VAT1L: variants seen among roughly 807,000 people sequenced by gnomAD.
VAT1L encodes the protein vesicle amine transport 1 like.
VAT1L carries 34 observed loss-of-function variants against 44.1 expected under a neutral mutation model. That is an observed-to-expected ratio of 0.77 (90% CI 0.59 to 1.03). The LOEUF (loss-of-function observed/expected upper bound fraction) is 1.03. VAT1L is among the 50% of genes least tolerant of loss of function. The pLI, the probability that VAT1L is intolerant of heterozygous loss-of-function variation, is 0.00. For missense variants in VAT1L, 615 were observed against 538.8 expected, an observed-to-expected ratio of 1.14 and a Z score of -1.40; for synonymous variants, 253 against 202.2, an observed-to-expected ratio of 1.25 and a Z score of -2.13.
At chr16:77,932,478 G>A (rs997610260) in intron 7 of VAT1L, among the ~76,000 whole-genome samples, 3 of 152,148 alleles carry the variant, frequency 2.0e-5, no homozygotes, top group African/African-American at 7.2e-5. Flanking sequence ...ACTTCTTGTT[G>A]ACAGAGTATA....
chr16:77,943,123 C>T (rs1186838340), intron 7 of VAT1L, among the ~76,000 whole-genome samples: 2 of 151,480 alleles, frequency 1.3e-5, no homozygotes, highest in African/African-American at 4.9e-5. Flanking sequence ...GTGGCTCTAT[C>T]TCTGCTCAGT....
intron 7 of VAT1L, among the ~76,000 whole-genome samples, chr16:77,893,355 T>A (rs2017288529): frequency 6.6e-6 from 1 of 152,078 alleles, no homozygotes; most frequent in South Asian, 2.1e-4. Context: ...GAAGCAAGAG[T>A]CAGCAATGAC....
chr16:77,941,799 G>C (rs550177989), intron 7 of VAT1L, among the ~76,000 whole-genome samples: 2 of 152,008 alleles, frequency 1.3e-5, no homozygotes, highest in African/African-American at 4.8e-5. Flanking sequence ...GTGTTGGCCA[G>C]GCTGGTCTCA....
At chr16:77,820,250 T>C (rs542432607) in intron 2 of VAT1L, among the ~76,000 whole-genome samples, 1 of 152,150 alleles carries the variant, frequency 6.6e-6, no homozygotes, top group South Asian at 2.1e-4. Flanking sequence ...GAGATGACAA[T>C]AGTCATGGTG....
intron 1 of VAT1L, among the ~76,000 whole-genome samples, chr16:77,811,473 T>G (rs1164712383): frequency 6.6e-6 from 1 of 152,110 alleles, no homozygotes; most frequent in Non-Finnish European, 1.5e-5. Flanking sequence ...CGGCCTACCA[T>G]GGTTTATAGA....
chr16:77,869,682 A>T (rs1417687799), intron 4 of VAT1L, among the ~76,000 whole-genome samples: 1 of 152,158 alleles, frequency 6.6e-6, no homozygotes, highest in Non-Finnish European at 1.5e-5. Context: ...GATTAAAAAA[A>T]ACCACCCACT....
chr16:77,795,548 A>T (rs2015914226), intron 1 of VAT1L, among the ~76,000 whole-genome samples: 1 of 152,186 alleles, frequency 6.6e-6, no homozygotes. Context: ...GGTTGAAACT[A>T]TGGAATTAAA....
intron 1 of VAT1L, among the ~76,000 whole-genome samples, chr16:77,799,243 C>T (rs935765525): frequency 6.7e-6 from 1 of 149,294 alleles, no homozygotes; most frequent in Non-Finnish European, 1.5e-5. Context: ...CCCTCTCTCT[C>T]TCCCTCCCTC....
In VAT1L at chr16:77,862,828, A is replaced by G. The variant is rs1368649733; in HGVS notation, c.660A>G (p.Ala220=). 21 of 1,613,990 alleles carry G rather than the reference A, an allele frequency of 1.3e-5. No homozygotes were observed. Among genetic ancestry groups the G allele is most frequent in the Non-Finnish European group, 1.5e-5 (18 of 1,180,010 alleles). The change falls in exon 4 of 9, where the codon GCA becomes GCG. Residue 220 remains alanine, a synonymous_variant. Coordinates refer to ENST00000302536, the MANE Select transcript of VAT1L (RefSeq NM_020927.3). ...FGTASTFKHE[A]IKDSVTHLFD... ...CAGCCTCTACTTTCAAGCATGAAGC[A>G]ATCAAAGACTCTGTGACCCACCTCT...
intron 7 of VAT1L, among the ~76,000 whole-genome samples, chr16:77,967,342 A>T (rs1249527543): frequency 5.9e-5 from 9 of 152,356 alleles, no homozygotes; most frequent in Admixed American, 5.2e-4. Context: ...TGTGAAACTG[A>T]TGCAGACACT....
chr16:77,909,966 A>T (rs1490375903), intron 7 of VAT1L, among the ~76,000 whole-genome samples: 1 of 152,162 alleles, frequency 6.6e-6, no homozygotes, highest in Non-Finnish European at 1.5e-5. Flanking sequence ...TCAGTTTGAA[A>T]CCACTTTTCA....
At chr16:77,970,267 G>T (rs573934960) in intron 7 of VAT1L, among the ~76,000 whole-genome samples, 1 of 152,000 alleles carries the variant, frequency 6.6e-6, no homozygotes, top group African/African-American at 2.4e-5. Context: ...ATCACTGCCA[G>T]GTTGTCCAAA....
rs920376239 is a variant in VAT1L at position 77,879,292 on chromosome 16, T to C, written c.882+68T>C. ...ATTCACATGTTGAGAGCTTTGTTTT[T>C]GTTTGTTTGTTTGTTTTGAGACAGC... On this transcript the variant is annotated intron_variant, in intron 6 of 8. Coordinates refer to ENST00000302536, the MANE Select transcript of VAT1L (RefSeq NM_020927.3). The surrounding 1 kb of genome is among the most constrained non-coding windows in gnomAD (Gnocchi z 4.1). 22 of 1,458,212 alleles carry C rather than the reference T, an allele frequency of 1.5e-5. No individual in the cohort carries two copies. In the African/African-American group the frequency reaches 2.4e-4, roughly 16 times the overall value. 90.3% of individuals were successfully genotyped at this position (1,458,212 alleles called of 1,614,324 possible).
At chr16:77,904,718 A>C (rs1297392895) in intron 7 of VAT1L, among the ~76,000 whole-genome samples, 4 of 152,368 alleles carry the variant, frequency 2.6e-5, no homozygotes, top group East Asian at 3.9e-4. Flanking sequence ...AGAGATTTAG[A>C]GCATTCTTAC....
chr16:77,816,337 G>A (rs563749172), intron 1 of VAT1L, among the ~76,000 whole-genome samples: 1 of 152,280 alleles, frequency 6.6e-6, no homozygotes, highest in Non-Finnish European at 1.5e-5. Flanking sequence ...TCCTCCAGTG[G>A]AACATAATGT....
chr16:77,948,762 C>G (rs2018003381), intron 7 of VAT1L, among the ~76,000 whole-genome samples: 1 of 152,110 alleles, frequency 6.6e-6, no homozygotes, highest in Non-Finnish European at 1.5e-5. Context: ...AATCCTAGCT[C>G]TTTGACATAC....
intron 2 of VAT1L, among the ~76,000 whole-genome samples, chr16:77,820,181 A>G (rs964619518): frequency 2.6e-5 from 4 of 152,166 alleles, no homozygotes; most frequent in African/African-American, 9.7e-5. Context: ...CATGGTTTCA[A>G]GAGGATTGAG....
Position 77,977,577 on chromosome 16 carries a change from C to G in VAT1L, c.1162-20C>G. ...GGCTGGGTTGCACAACCCTCAATAA[C>G]ATCCTCTTTTGAATTACAGATGGCC... On this transcript the variant is annotated intron_variant, in intron 8 of 8. Coordinates refer to ENST00000302536, the MANE Select transcript of VAT1L (RefSeq NM_020927.3). 6.2e-7 allele frequency: 1 copy of G among 1,612,514 alleles called. No homozygotes were observed. Among genetic ancestry groups the G allele is most frequent in the South Asian group, 1.1e-5 (1 of 90,762 alleles).
At chr16:77,905,875 C>T (rs543860163) in intron 7 of VAT1L, among the ~76,000 whole-genome samples, 1 of 152,256 alleles carries the variant, frequency 6.6e-6, no homozygotes, top group South Asian at 2.1e-4. Flanking sequence ...ACATTCCAAG[C>T]GTTCTGTCAG....
Sources: allele counts gnomAD v4.1 joint callset (sites outside exome capture counted in the v4.1 genomes callset), GRCh38; gene constraint gnomAD v4.1.1; non-coding constraint Gnocchi (gnomAD v3.1); transcripts MANE v1.5; gene names NCBI Gene and HGNC (gene_info 2026-07-23, HGNC 2026-07-21).